The following SRPK2 variants were observed in gnomAD, a reference collection of about 807,000 sequenced individuals.
The protein encoded by SRPK2 is SRSF protein kinase 2, also known as SFRS protein kinase 2.
A neutral mutation model predicts 90.8 loss-of-function variants in SRPK2; 21 were observed. That is an observed-to-expected ratio of 0.23 (90% confidence interval 0.16 to 0.33). SRPK2 has a LOEUF of 0.33. Among genes scored for constraint, SRPK2 ranks in the 10% least tolerant of loss-of-function variants. SRPK2 has a pLI of 1.00. For synonymous variants in SRPK2, 288 were observed against 311.1 expected, an observed-to-expected ratio of 0.93 and a Z score of 0.78; for missense variants, 620 against 869.0, an observed-to-expected ratio of 0.71 and a Z score of 3.60.
At chr7:105,300,089 C>T (rs541639677) in intron 2 of SRPK2, among the ~76,000 whole-genome samples, 67 of 151,318 alleles carry the variant, frequency 4.4e-4, no homozygotes, top group African/African-American at 1.4e-3. Flanking sequence ...AATAATTGGC[C>T]GGGCATCACC....
At chr7:105,341,683 C>A (rs1670112441) in intron 2 of SRPK2, among the ~76,000 whole-genome samples, 1 of 151,950 alleles carries the variant, frequency 6.6e-6, no homozygotes, top group Non-Finnish European at 1.5e-5. Flanking sequence ...AATAAAAAAA[C>A]AGGGGACGGG....
At chr7:105,323,995 G>GTGTGTGTA (rs1554509950) in intron 2 of SRPK2, among the ~76,000 whole-genome samples, 66 of 147,848 alleles carry the variant, frequency 4.5e-4, no homozygotes, top group South Asian at 1.5e-3. Flanking sequence ...GTGTGTGTGT[G>GTGTGTGTA]TGTGTGTGTG....
At chr7:105,145,826 T>C (rs2129577399) in intron 8 of SRPK2, among the ~76,000 whole-genome samples, 1 of 152,192 alleles carries the variant, frequency 6.6e-6, no homozygotes, top group East Asian at 1.9e-4. Flanking sequence ...GGGTCCATGA[T>C]CTAAACAACA....
chr7:105,233,295 A>C (rs1799745641), intron 2 of SRPK2, among the ~76,000 whole-genome samples: 1 of 152,222 alleles, frequency 6.6e-6, no homozygotes, highest in Non-Finnish European at 1.5e-5. Flanking sequence ...ATGCAGATAC[A>C]ATTCAATAAA....
chr7:105,236,189 T>G (rs1210871824), intron 2 of SRPK2, among the ~76,000 whole-genome samples: 1 of 152,252 alleles, frequency 6.6e-6, no homozygotes. Flanking sequence ...ATCTAGATTA[T>G]GCTAGACGCT....
At chr7:105,323,091 C>A (rs887890209) in intron 2 of SRPK2, among the ~76,000 whole-genome samples, 6 of 151,922 alleles carry the variant, frequency 3.9e-5, no homozygotes, top group Admixed American at 6.6e-5. Context: ...CCCAGCTACT[C>A]GGGTGGCTGA....
rs939104027 is a variant in SRPK2, at chr7:105,380,984, G to A, written c.71+7664C>T. 2.7e-5 allele frequency among the ~76,000 whole-genome samples: 4 copies of A among 149,242 alleles called. No individual in the cohort carries two copies. The South Asian group carries it at 6.3e-4, about 24-fold the overall frequency. ...AAAAAAAAAAAAAAGCTGGGCCAGGGGCAGTAGCTCATGACTGTAATCCCA... is the reference window on the plus strand; with the variant it reads ...AAAAAAAAAAAAAAGCTGGGCCAGGAGCAGTAGCTCATGACTGTAATCCCA... On this transcript the variant is annotated intron_variant, in intron 2 of 15. Coordinates refer to ENST00000393651, the MANE Select transcript of SRPK2 (RefSeq NM_182692.3).
chr7:105,231,445 G>A (rs10953470), intron 2 of SRPK2, among the ~76,000 whole-genome samples: 2 of 152,134 alleles, frequency 1.3e-5, no homozygotes, highest in East Asian at 3.9e-4. Context: ...ATAAGATTGC[G>A]GAGTCGAATG....
intron 2 of SRPK2, among the ~76,000 whole-genome samples, chr7:105,381,925 T>C (rs1820995047): frequency 6.6e-6 from 1 of 152,080 alleles, no homozygotes; most frequent in Admixed American, 6.6e-5. Flanking sequence ...CCCAACACTT[T>C]GGGAGGCTAA....
intron 2 of SRPK2, chr7:105,244,835 A>G (rs1483231790): frequency 9.7e-7 from 1 of 1,027,698 alleles, no homozygotes; most frequent in Non-Finnish European, 1.5e-6. Context: ...GGAGTTACTG[A>G]AAGGTCTCCA....
intron 7 of SRPK2, among the ~76,000 whole-genome samples, chr7:105,159,628 G>T (rs1584995367): frequency 1.3e-5 from 2 of 152,014 alleles, no homozygotes; most frequent in Admixed American, 1.3e-4. Context: ...ATTCCATGCA[G>T]AACACTGGAA....
intron 7 of SRPK2, among the ~76,000 whole-genome samples, chr7:105,146,912 T>C (rs1804707227): frequency 6.6e-6 from 1 of 152,178 alleles, no homozygotes; most frequent in Non-Finnish European, 1.5e-5. Context: ...AGTTGAACCT[T>C]GAACAACACA....
At chr7:105,355,986 T>C (rs574952085) in intron 2 of SRPK2, among the ~76,000 whole-genome samples, 4 of 152,136 alleles carry the variant, frequency 2.6e-5, no homozygotes, top group Admixed American at 2.6e-4. Context: ...AGGCAGAAGT[T>C]TCAGTGAGCT....
chr7:105,272,704 G>A (rs568733084), intron 2 of SRPK2, among the ~76,000 whole-genome samples: 1 of 152,114 alleles, frequency 6.6e-6, no homozygotes, highest in African/African-American at 2.4e-5. Flanking sequence ...TTAGTTTCCA[G>A]CCCAATATTC....
chr7:105,236,769 T>C (rs1420177319), intron 2 of SRPK2, among the ~76,000 whole-genome samples: 1 of 152,106 alleles, frequency 6.6e-6, no homozygotes, highest in Non-Finnish European at 1.5e-5. Flanking sequence ...GAAGAGTCCA[T>C]GGGTACCAGG....
chr7:105,164,000 G>A (rs559889913), intron 6 of SRPK2, among the ~76,000 whole-genome samples: 6 of 152,296 alleles, frequency 3.9e-5, no homozygotes, highest in South Asian at 4.1e-4. Context: ...AGCTTTCAAC[G>A]GAAATTTTAA....
At chr7:105,285,140 C>T (rs997660532) in intron 2 of SRPK2, among the ~76,000 whole-genome samples, 3 of 152,034 alleles carry the variant, frequency 2.0e-5, no homozygotes, top group African/African-American at 7.3e-5. Flanking sequence ...AATCCCAGCA[C>T]TTTGGAAGCC....
intron 3 of SRPK2, among the ~76,000 whole-genome samples, chr7:105,188,544 T>C (rs1793882786): frequency 1.3e-5 from 2 of 152,228 alleles, no homozygotes; most frequent in South Asian, 4.1e-4. Flanking sequence ...TTTCAATTAC[T>C]GCTTCCTAGT....
chr7:105,393,386 C>T (rs2132911278), upstream of SRPK2, among the ~76,000 whole-genome samples: 1 of 152,048 alleles, frequency 6.6e-6, no homozygotes, highest in East Asian at 1.9e-4. Context: ...CCCACCTTGG[C>T]CTCCCAAACT....
Sources: gnomAD v4.1 joint callset for allele counts (sites outside exome capture counted in the v4.1 genomes callset) on GRCh38, gnomAD v4.1.1 for gene constraint, MANE v1.5 for transcripts, NCBI Gene and HGNC (gene_info 2026-07-23, HGNC 2026-07-21) for gene names.